MMP9: variants seen among roughly 807,000 people sequenced by gnomAD.
MMP9 encodes matrix metallopeptidase 9.
A neutral mutation model predicts 76.4 loss-of-function variants in MMP9; 73 were observed. That is an observed-to-expected ratio of 0.96 (90% CI 0.79 to 1.16). The LOEUF (loss-of-function observed/expected upper bound fraction) is 1.16, where lower values mean the gene tolerates loss of function less well. Ranked by LOEUF, MMP9 falls within the 50% of genes most tolerant of loss-of-function variation. MMP9 has a pLI of 0.00. For missense variants in MMP9, 943 were observed against 973.0 expected (o/e 0.97, Z 0.41); for synonymous variants, 412 against 408.4 (o/e 1.01, Z -0.11).
chr20:46,010,333 A>AAAAAAAAAAAAAAAAAC lies in MMP9; in HGVS notation c.372-142_372-141insAAAAAAAACAAAAAAAA, dbSNP rs796972949. On this transcript the variant is annotated intron_variant, in intron 2 of 12. Transcript: ENST00000372330. ...GGGTCTAAGTAGACAAAAAAAAAAA[A>AAAAAAAAAAAAAAAAAC]AAAAAAAACAGTCTGGAAGCAATTT... 7.1e-5 allele frequency: 59 copies of AAAAAAAAAAAAAAAAAC among 828,868 alleles called. 1 individual carries two copies. The African/African-American group carries it at 1.2e-3, about 17-fold the overall frequency. 51.3% of individuals were successfully genotyped at this position (828,868 alleles called of 1,614,324 possible).
Position 46,009,948 on chromosome 20 carries a change from T to C in MMP9, c.221T>C (p.Leu74Pro). 1 of 1,552,126 alleles carries C rather than the reference T, an allele frequency of 6.4e-7. No homozygotes were observed. Among genetic ancestry groups the C allele is most frequent in the Non-Finnish European group, 8.7e-7 (1 of 1,147,178 alleles). Residue 74 changes from leucine to proline, a missense_variant, in exon 2 of 13, where the codon CTC (leucine) becomes CCC (proline). Transcript: ENST00000372330. ...TCTCTGGGGCCTGCGCTGCTGCTTC[T>C]CCAGAAGCAACTGTCCCTGCCCGAG... ...SKSLGPALLLLQKQLSLPETG... is the reference protein window; with the variant it reads ...SKSLGPALLLPQKQLSLPETG...
chr20:46,016,333 G>A lies in MMP9; in HGVS notation c.2089G>A (p.Val697Met), dbSNP rs111366278. 143 of 1,614,196 alleles carry A rather than the reference G, an allele frequency of 8.9e-5. No individual in the cohort carries two copies. Among genetic ancestry groups the A allele is most frequent in the Non-Finnish European group, 1.1e-4 (134 of 1,180,038 alleles). Residue 697 changes from valine to methionine, a missense_variant, in exon 13 of 13, where the codon GTG (valine) becomes ATG (methionine). Coordinates refer to ENST00000372330, the MANE Select transcript of MMP9 (RefSeq NM_004994.3). ...ELNQVDQVGY[V>M]TYDILQCPED ...GAACCAGGTGGACCAAGTGGGCTACGTGACCTATGACATCCTGCAGTGCCC... is the reference window on the plus strand; with the variant it reads ...GAACCAGGTGGACCAAGTGGGCTACATGACCTATGACATCCTGCAGTGCCC...
At position 46,012,188 on chromosome 20, in the gene MMP9, C is replaced by G. The variant is rs745558432; in HGVS notation, c.1049C>G (p.Pro350Arg). The change falls in exon 7 of 13, where the codon CCC becomes CGC. Residue 350 changes from proline to arginine, a missense_variant. By Grantham distance (103) the Pro-to-Arg change is moderately radical (BLOSUM62 -2). Coordinates refer to ENST00000372330, the MANE Select transcript of MMP9 (RefSeq NM_004994.3). ...TCGGCGGGGGAGCTGTGCGTCTTCC[C>G]CTTCACTTTCCTGGGTAAGGAGTAC... ...GNSAGELCVF[P>R]FTFLGKEYST... is the part of the protein sequence containing the mutation. The G allele has an allele frequency of 6.2e-7, 1 of 1,614,154 alleles. No homozygotes were observed. The highest frequency in any genetic ancestry group is 8.5e-7 in the Non-Finnish European group (1 of 1,180,042).
At position 46,013,439 on chromosome 20, in the gene MMP9, T is replaced by A. The variant is rs752855283; in HGVS notation, c.1515T>A (p.Thr505=). 1 of 1,613,512 alleles carries A rather than the reference T, an allele frequency of 6.2e-7. No individual in the cohort carries two copies. Among genetic ancestry groups the A allele is most frequent in the South Asian group, 1.1e-5 (1 of 91,054 alleles). ...CCACTGCTGGCCCTTCTACGGCCAC[T>A]ACTGTGCCTTTGAGTCCGGTGGACG... ...GPPTAGPSTA[T]TVPLSPVDDA... is the part of the protein sequence containing the mutation. The change falls in exon 9 of 13, where the codon ACT becomes ACA. Residue 505 remains threonine, a synonymous_variant. Transcript: ENST00000372330. This position sits in a 1 kb window ranked among gnomAD's most constrained non-coding sequence, Gnocchi z 4.5.
rs1359858475 is a variant in MMP9 at position 46,013,737 on chromosome 20, C to T, written c.1691C>T (p.Pro564Leu). ...FLIADKWPALPRKLDSVFEER... is the reference protein window; with the variant it reads ...FLIADKWPALLRKLDSVFEER... ...ATCGCCGACAAGTGGCCCGCGCTGC[C>T]CCGCAAGCTGGACTCGGTCTTTGAG... The change falls in exon 10 of 13, where the codon CCC becomes CTC. Residue 564 changes from proline to leucine, a missense_variant. By Grantham distance (98) the Pro-to-Leu change is moderately conservative. Transcript: ENST00000372330. The surrounding 1 kb of genome is among the most constrained non-coding windows in gnomAD (Gnocchi z 4.5). 6.2e-7 allele frequency: 1 copy of T among 1,613,792 alleles called. No homozygotes were observed.
intron 1 of MMP9, 59 bp from the exon 2 acceptor site, chr20:46,009,807 C>T (rs41504450): frequency 0.011 from 16,055 of 1,466,720 alleles, 125 homozygotes; most frequent in Non-Finnish European, 0.012. Flanking sequence ...GTCCTTTGGC[C>T]CCAGCTGGGC....
rs763100742 is a variant in MMP9 at position 46,012,322 on chromosome 20, G to A, written c.1174+9G>A. The A allele has an allele frequency of 1.2e-6, 2 of 1,612,792 alleles. No individual in the cohort carries two copies. The highest frequency in any genetic ancestry group is 1.7e-6 in the Non-Finnish European group (2 of 1,179,926). On this transcript the variant is annotated intron_variant, in intron 7 of 12. Transcript: ENST00000372330. ...CTTCTGCCCGGACCAAGGTAGGCGT[G>A]GTCCCGCGGCTCCGGGGCTGGGGTT...
At chr20:46,011,406 G>A (rs2084277916) in intron 5 of MMP9, 90 bp downstream of exon 5, 1 of 1,574,960 alleles carries the variant, frequency 6.3e-7, no homozygotes. Flanking sequence ...AGTGCTGTGT[G>A]GCCTGCAATT....
rs747696251 is a variant in MMP9, at chr20:46,013,502, G to A, written c.1578G>A (p.Glu526=). 5 of 1,614,168 alleles carry A rather than the reference G, an allele frequency of 3.1e-6. No individual in the cohort carries two copies. In the South Asian group the frequency reaches 3.3e-5, roughly 11 times the overall value. ...CNVNIFDAIA[E]IGNQLYLFKD... ...TGAACATCTTCGACGCCATCGCGGA[G>A]ATTGGGAACCAGCTGTATTTGTTCA... Residue 526 remains glutamate, a synonymous_variant, in exon 9 of 13, where the codon GAG becomes GAA. Coordinates refer to ENST00000372330, the MANE Select transcript of MMP9 (RefSeq NM_004994.3). This position sits in a 1 kb window ranked among gnomAD's most constrained non-coding sequence, Gnocchi z 4.5.
chr20:46,012,343 G>C, intron 7 of MMP9, 30 bp downstream of exon 7: 1 of 1,612,534 alleles, frequency 6.2e-7, no homozygotes, highest in Non-Finnish European at 8.5e-7. Context: ...TCCGGGGCTG[G>C]GGTTCCCGGC....
Position 46,011,312 on chromosome 20 carries a change from C to T in MMP9, c.819C>T (p.Ser273=). The T allele has an allele frequency of 6.2e-7, 1 of 1,603,486 alleles. No homozygotes were observed. The highest frequency in any genetic ancestry group is 1.1e-5 in the South Asian group (1 of 90,964). The change falls in exon 5 of 13, where the codon AGC becomes AGT. Residue 273 remains serine, a synonymous_variant. Coordinates refer to ENST00000372330, the MANE Select transcript of MMP9 (RefSeq NM_004994.3). ...ACGACCGGTTTGGCTTCTGCCCCAG[C>T]GAGAGTGAGTGAGGGGGCTCGCCGA... ...DTDDRFGFCP[S]ERLYTQDGNA...
Position 46,010,064 on chromosome 20 carries a change from G to A in MMP9, c.337G>A (p.Asp113Asn), listed in dbSNP as rs976680437. The A allele has an allele frequency of 9.7e-6, 15 of 1,547,484 alleles. No homozygotes were observed. The highest frequency in any genetic ancestry group is 2.5e-5 in the East Asian group (1 of 40,716). Residue 113 changes from aspartate to asparagine, a missense_variant, in exon 2 of 13, where the codon GAC (aspartate) becomes AAC (asparagine). Transcript: ENST00000372330. Reference protein sequence around the residue: ...DLGRFQTFEGDLKWHHHNITY... With the variant: ...DLGRFQTFEGNLKWHHHNITY... ...GGGCAGATTCCAAACCTTTGAGGGCGACCTCAAGTGGCACCACCACAACAT... is the reference window on the plus strand; with the variant it reads ...GGGCAGATTCCAAACCTTTGAGGGCAACCTCAAGTGGCACCACCACAACAT...
Position 46,014,193 on chromosome 20 carries a change from G to T in MMP9, c.1820G>T (p.Gly607Val). 6.5e-7 allele frequency: 1 copy of T among 1,539,384 alleles called. No homozygotes were observed. Among genetic ancestry groups the T allele is most frequent in the African/African-American group, 1.4e-5 (1 of 73,114 alleles). ...AGGCGTCTGGACAAGCTGGGCCTGG[G>T]AGCCGACGTGGCCCAGGTGACCGGG... ...GPRRLDKLGLGADVAQVTGAL... is the reference protein window; with the variant it reads ...GPRRLDKLGLVADVAQVTGAL... The change falls in exon 11 of 13, where the codon GGA becomes GTA. Residue 607 changes from glycine (G) to valine (V), a missense_variant. Gly to Val is a moderately radical substitution (Grantham distance 109, BLOSUM62 -3). Coordinates refer to ENST00000372330, the MANE Select transcript of MMP9 (RefSeq NM_004994.3).
intron 5 of MMP9, 26 bp from the exon 6 acceptor site, chr20:46,011,548 C>T: frequency 6.2e-7 from 1 of 1,613,958 alleles, no homozygotes; most frequent in Non-Finnish European, 8.5e-7. Context: ...GCCTTCTCCC[C>T]CTTTCCCACA....
Position 46,014,148 on chromosome 20 carries a change from G to A in MMP9, c.1775G>A (p.Gly592Asp). Residue 592 changes from glycine to aspartate, a missense_variant, in exon 11 of 13, where the codon GGC (glycine) becomes GAC (aspartate). By Grantham distance (94) the Gly-to-Asp change is moderately conservative (BLOSUM62 -1). Coordinates refer to ENST00000372330, the MANE Select transcript of MMP9 (RefSeq NM_004994.3). ...GGGCGCCAGGTGTGGGTGTACACAGGCGCGTCGGTGCTGGGCCCGAGGCGT... is the reference window on the plus strand; with the variant it reads ...GGGCGCCAGGTGTGGGTGTACACAGACGCGTCGGTGCTGGGCCCGAGGCGT... ...FSGRQVWVYTGASVLGPRRLD... is the reference protein window; with the variant it reads ...FSGRQVWVYTDASVLGPRRLD... The A allele has an allele frequency of 6.5e-7, 1 of 1,536,612 alleles. No individual in the cohort carries two copies. The highest frequency in any genetic ancestry group is 8.7e-7 in the Non-Finnish European group (1 of 1,146,592).
At chr20:46,010,432 C>T in intron 2 of MMP9, 51 bp from the exon 3 acceptor site, 2 of 1,608,708 alleles carry the variant, frequency 1.2e-6, no homozygotes, top group Non-Finnish European at 1.7e-6. Flanking sequence ...CCCTGCTGCC[C>T]CGCTCCAGCC....
intron 2 of MMP9, among the ~76,000 whole-genome samples, 187 bp from the exon 3 acceptor site, chr20:46,010,296 G>A (rs2084267615): frequency 7.3e-6 from 1 of 137,208 alleles, no homozygotes; most frequent in South Asian, 2.2e-4. Context: ...CCTCCTGCCA[G>A]GGCCATTGTG....
chr20:46,012,380 TG>T (rs752802350), intron 7 of MMP9, 46 bp from the exon 8 acceptor site: 12 of 1,613,474 alleles, frequency 7.4e-6, no homozygotes, highest in Non-Finnish European at 1.0e-5. Context: ...TGGCCAGGGC[TG>T]GGGGCTCGGC....
chr20:46,011,575 A>T lies in MMP9; in HGVS notation c.825A>T (p.Arg275Ser), dbSNP rs745651268. The T allele has an allele frequency of 1.2e-6, 2 of 1,612,492 alleles. No homozygotes were observed. Among genetic ancestry groups the T allele is most frequent in the Admixed American group, 3.3e-5 (2 of 59,846 alleles). The change falls in exon 6 of 13, where the codon AGA becomes AGT. Residue 275 changes from arginine (R) to serine (S), a missense_variant and splice_region_variant. Physicochemically the swap from Arg to Ser is moderately radical, Grantham distance 110. Coordinates refer to ENST00000372330, the MANE Select transcript of MMP9 (RefSeq NM_004994.3). ...TTTCCCACATCCTCCTCGCCCCAGG[A>T]CTCTACACCCAGGACGGCAATGCTG... ...DDRFGFCPSE[R>S]LYTQDGNADG... is the part of the protein sequence containing the mutation.
Sources: allele counts gnomAD v4.1 joint callset (sites outside exome capture counted in the v4.1 genomes callset), GRCh38; gene constraint gnomAD v4.1.1; non-coding constraint Gnocchi (gnomAD v3.1); transcripts MANE v1.5; gene names NCBI Gene and HGNC (gene_info 2026-07-23, HGNC 2026-07-21).